Variants in RAP1A observed in about 807,000 individuals in gnomAD.
The protein encoded by RAP1A is RAP1A, member of RAS oncogene family.
Under a neutral mutation model 26.4 loss-of-function variants are expected in RAP1A, and 6 were observed. The observed-to-expected ratio is 0.23, with a 90% CI of 0.12 to 0.45. The LOEUF (loss-of-function observed/expected upper bound fraction) is 0.45. RAP1A is among the 20% of genes least tolerant of loss of function. The pLI is 0.99. For synonymous variants in RAP1A, 73 were observed against 79.4 expected (o/e 0.92, Z 0.43); for missense variants, 121 against 217.2 (o/e 0.56, Z 2.78).
chr1:111,613,481 T>G (rs1032622719), intron 1 of RAP1A, among the ~76,000 whole-genome samples: 33 of 152,088 alleles, frequency 2.2e-4, no homozygotes, highest in African/African-American at 6.3e-4. Flanking sequence ...TTACAGGCGT[T>G]AGCCACCACG....
rs777786378 is a variant in RAP1A, at chr1:111,709,160, C to A, written c.480C>A (p.Asp160Glu). Residue 160 changes from aspartate (D) to glutamate (E), a missense_variant, in exon 7 of 8, where the codon GAC becomes GAA. Physicochemically the swap from Asp to Glu is conservative, Grantham distance 45. Coordinates refer to ENST00000369709, the MANE Select transcript of RAP1A (RefSeq NM_002884.4). Reference protein sequence around the residue: ...SKINVNEIFYDLVRQINRKTP... With the variant: ...SKINVNEIFYELVRQINRKTP... ...TTGTTTTTACTTAGATATTTTATGA[C>A]CTGGTCAGACAGATAAATAGGAAAA... 9 of 1,607,096 alleles carry A rather than the reference C, an allele frequency of 5.6e-6. No homozygotes were observed. The African/African-American group carries it at 1.2e-4, about 22-fold the overall frequency.
chr1:111,550,260 C>A (rs2101034770), intron 1 of RAP1A, among the ~76,000 whole-genome samples: 1 of 152,140 alleles, frequency 6.6e-6, no homozygotes, highest in Non-Finnish European at 1.5e-5. Flanking sequence ...ATTTTGTTGA[C>A]CTTTTAAAAG....
chr1:111,582,801 G>T (rs1658284311), intron 1 of RAP1A, among the ~76,000 whole-genome samples: 1 of 152,208 alleles, frequency 6.6e-6, no homozygotes, highest in Non-Finnish European at 1.5e-5. Flanking sequence ...TATTCTAACA[G>T]CTGTGTTAGA....
At chr1:111,543,277 AAT>A (rs143470844) in intron 1 of RAP1A, among the ~76,000 whole-genome samples, 1 of 151,554 alleles carries the variant, frequency 6.6e-6, no homozygotes, top group Admixed American at 6.6e-5. Context: ...GTGTTGTATA[AAT>A]ATATATATAT....
intron 1 of RAP1A, among the ~76,000 whole-genome samples, chr1:111,596,608 G>A (rs1557860835): frequency 6.6e-6 from 1 of 152,234 alleles, no homozygotes; most frequent in Non-Finnish European, 1.5e-5. Flanking sequence ...CATAGAGTGG[G>A]TAGCTTATGA....
intron 1 of RAP1A, among the ~76,000 whole-genome samples, chr1:111,679,512 CTTTTCTTTTT>C (rs1159417759): frequency 6.6e-6 from 1 of 152,122 alleles, no homozygotes; most frequent in Non-Finnish European, 1.5e-5. Context: ...CTTTTCTTTT[CTTTTCTTTTT>C]TTTTGTACCC....
At chr1:111,564,063 A>G (rs547294168) in intron 1 of RAP1A, 1 of 765,402 alleles carries the variant, frequency 1.3e-6, no homozygotes. Flanking sequence ...TTTGGGGGGT[A>G]GAGAATTGGA....
Position 111,589,491 on chromosome 1 carries a change from T to C in RAP1A, c.-28+46982T>C, listed in dbSNP as rs111774249. Among the ~76,000 whole-genome samples, 383 of 152,284 alleles carry C rather than the reference T, an allele frequency of 2.5e-3. 4 individuals carry two copies. The highest frequency in any genetic ancestry group is 9.0e-3 in the African/African-American group (375 of 41,570). ...ACCATTATTCAGCACTAAATCTACA[T>C]TCAAGTTAAATTAAACTCCTAAACA... is the stretch of plus-strand genomic sequence containing the variant. On this transcript the variant is annotated intron_variant, in intron 1 of 7. Transcript: ENST00000356415.
chr1:111,711,725 G>A lies in RAP1A; in HGVS notation c.*30-706G>A, dbSNP rs141672307. Among the ~76,000 whole-genome samples, 451 of 152,268 alleles carry A rather than the reference G, an allele frequency of 3.0e-3. 5 individuals carry two copies. Among genetic ancestry groups the A allele is most frequent in the African/African-American group, 0.01 (435 of 41,568 alleles). ...ATAGATTTAAATAGAAATTATAAAC[G>A]TTTTTAGTAAGAGTACATGAACTCT... is the stretch of plus-strand genomic sequence containing the variant. On this transcript the variant is annotated intron_variant, in intron 7 of 7. Coordinates refer to ENST00000369709, the MANE Select transcript of RAP1A (RefSeq NM_002884.4).
chr1:111,545,440 C>T (rs1657001269), intron 1 of RAP1A, among the ~76,000 whole-genome samples: 6 of 152,074 alleles, frequency 3.9e-5, no homozygotes, highest in Admixed American at 1.3e-4. Flanking sequence ...AATATCTGTT[C>T]GAGTCCTTTG....
intron 1 of RAP1A, among the ~76,000 whole-genome samples, chr1:111,545,860 C>A (rs376275972): frequency 6.6e-6 from 1 of 152,076 alleles, no homozygotes; most frequent in Non-Finnish European, 1.5e-5. Flanking sequence ...TGTCCCAGCA[C>A]CATTTGTTGA....
chr1:111,682,065 C>T (rs921383331), intron 1 of RAP1A, among the ~76,000 whole-genome samples: 1 of 152,184 alleles, frequency 6.6e-6, no homozygotes, highest in South Asian at 2.1e-4. Flanking sequence ...ACATAATTTT[C>T]AACCCAGAAT....
chr1:111,662,327 G>A (rs1348481859), intron 1 of RAP1A, among the ~76,000 whole-genome samples: 1 of 151,056 alleles, frequency 6.6e-6, no homozygotes, highest in Admixed American at 6.6e-5. Flanking sequence ...TCCGGGAGGC[G>A]GAGCTTGCAG....
At chr1:111,567,231 CAG>C (rs1481337271) in intron 1 of RAP1A, among the ~76,000 whole-genome samples, 1 of 152,100 alleles carries the variant, frequency 6.6e-6, no homozygotes, top group Non-Finnish European at 1.5e-5. Flanking sequence ...ATAGTGGGTG[CAG>C]AGAGGAGGAG....
intron 1 of RAP1A, among the ~76,000 whole-genome samples, chr1:111,666,515 T>C (rs938806316): frequency 1.3e-5 from 2 of 152,154 alleles, no homozygotes; most frequent in African/African-American, 4.8e-5. Flanking sequence ...AGAACTCAGA[T>C]CACATTGCAG....
rs185681730 is a variant in RAP1A at position 111,713,900 on chromosome 1, C to G, written c.*1499C>G. On this transcript the variant is annotated 3_prime_UTR_variant, in exon 8 of 8. Transcript: ENST00000369709. ...AGCTTAGAAAACCCTGTGCCTTGTCCTCAAATATTAAGGAGGAGACAGACC... is the reference window on the plus strand; with the variant it reads ...AGCTTAGAAAACCCTGTGCCTTGTCGTCAAATATTAAGGAGGAGACAGACC... The G allele has an allele frequency of 2.0e-5, 3 of 152,218 alleles. No individual in the cohort carries two copies. The highest frequency in any genetic ancestry group is 1.3e-4 in the Admixed American group (2 of 15,274). 9.4% of individuals were successfully genotyped at this position (152,218 alleles called of 1,614,324 possible). A position where few individuals can be genotyped will look rare whatever the true frequency, so the allele number is the denominator to read the frequency against.
At chr1:111,596,542 A>G (rs935379767) in intron 1 of RAP1A, among the ~76,000 whole-genome samples, 2 of 152,246 alleles carry the variant, frequency 1.3e-5, no homozygotes, top group African/African-American at 4.8e-5. Context: ...TTCCTTGTAC[A>G]GTGCTTGGTC....
chr1:111,645,116 G>C (rs1225075812), intron 1 of RAP1A, among the ~76,000 whole-genome samples: 1 of 151,156 alleles, frequency 6.6e-6, no homozygotes, highest in East Asian at 1.9e-4. Flanking sequence ...GTGGAAATAG[G>C]GATAAAAATA....
chr1:111,590,688 TG>T (rs948819052), intron 1 of RAP1A, among the ~76,000 whole-genome samples: 4 of 152,114 alleles, frequency 2.6e-5, no homozygotes, highest in African/African-American at 9.7e-5. Context: ...CCCAAAGTGC[TG>T]GGATTACAGG....
Sources: gnomAD v4.1 joint callset for allele counts (sites outside exome capture counted in the v4.1 genomes callset) on GRCh38, gnomAD v4.1.1 for gene constraint, MANE v1.5 for transcripts, NCBI Gene and HGNC (gene_info 2026-07-23, HGNC 2026-07-21) for gene names.